The following CDH8 variants were observed in gnomAD, a reference collection of about 807,000 sequenced individuals.
CDH8 encodes cadherin-8.
In CDH8, 17 loss-of-function variants were observed where a neutral mutation model predicts 68.1. The ratio of observed to expected loss-of-function variants is 0.25; its 90% CI spans 0.17 to 0.37. The LOEUF (loss-of-function observed/expected upper bound fraction) is 0.37, where lower values mean the gene tolerates loss of function less well. Among genes scored for constraint, CDH8 ranks in the 10% least tolerant of loss-of-function variants. The pLI is 1.00. For missense variants in CDH8, 763 were observed against 999.3 expected (o/e 0.76, Z 3.19); for synonymous variants, 372 against 365.1 (o/e 1.02, Z -0.21).
intron 4 of CDH8, among the ~76,000 whole-genome samples, chr16:61,839,258 C>T (rs1408591227): frequency 1.3e-5 from 2 of 152,022 alleles, no homozygotes; most frequent in African/African-American, 2.4e-5. Context: ...GTGATGGCCC[C>T]GAAGGGTTCC....
At chr16:61,832,438 G>A (rs1017556826) in intron 4 of CDH8, among the ~76,000 whole-genome samples, 1 of 151,574 alleles carries the variant, frequency 6.6e-6, no homozygotes, top group African/African-American at 2.4e-5. Flanking sequence ...ATAGATAGAT[G>A]GGTCTGAATT....
chr16:61,789,150 C>A (rs1961317892), intron 8 of CDH8, among the ~76,000 whole-genome samples, 196 bp downstream of exon 8: 1 of 151,944 alleles, frequency 6.6e-6, no homozygotes, highest in South Asian at 2.1e-4. Flanking sequence ...CTCACATATC[C>A]TGAAACATTT....
chr16:61,675,600 A>T (rs993743709), intron 10 of CDH8, among the ~76,000 whole-genome samples: 7 of 98,460 alleles, frequency 7.1e-5, no homozygotes, highest in Admixed American at 2.8e-4. Context: ...AAAGTATAAT[A>T]AAAAAAAATA....
At chr16:61,817,870 CCA>C in intron 6 of CDH8, 138 bp from the exon 7 acceptor site, 1 of 661,344 alleles carries the variant, frequency 1.5e-6, no homozygotes, top group Non-Finnish European at 2.4e-6. Context: ...CTCCAGTCCC[CCA>C]GATTCAACCT....
chr16:61,684,001 C>G (rs1262539534), intron 10 of CDH8, among the ~76,000 whole-genome samples: 1 of 151,998 alleles, frequency 6.6e-6, no homozygotes, highest in African/African-American at 2.4e-5. Context: ...AGAACACAGA[C>G]ATTTTTGAGG....
chr16:61,862,310 G>C (rs1963165615), intron 3 of CDH8, among the ~76,000 whole-genome samples: 1 of 152,110 alleles, frequency 6.6e-6, no homozygotes, highest in Non-Finnish European at 1.5e-5. Flanking sequence ...TATACATTAA[G>C]CAGGAGGCTA....
chr16:61,688,944 C>T (rs2142825388), intron 10 of CDH8, among the ~76,000 whole-genome samples: 1 of 152,066 alleles, frequency 6.6e-6, no homozygotes, highest in Admixed American at 6.6e-5. Flanking sequence ...AAAGGATTAC[C>T]TTTACAGAGC....
chr16:61,740,109 T>C lies in CDH8; in HGVS notation c.1415-12894A>G, dbSNP rs574944822. On this transcript the variant is annotated intron_variant, in intron 8 of 11. Transcript: ENST00000577390. The stretch of plus-strand genomic sequence containing the variant: ...TTTTAGTAGAGATGGGGTTTCATCA[T>C]GTTGGCCAGGATGGTCTCGATCTCC... 3.8e-4 allele frequency among the ~76,000 whole-genome samples: 58 copies of C among 151,726 alleles called. 3 individuals are homozygous for C. The South Asian group carries it at 0.012, about 31-fold the overall frequency.
At chr16:61,740,479 C>T (rs998759964) in intron 8 of CDH8, among the ~76,000 whole-genome samples, 2 of 151,886 alleles carry the variant, frequency 1.3e-5, no homozygotes, top group Admixed American at 6.6e-5. Context: ...CCAGAATGAA[C>T]GCACCCATGT....
Position 61,836,531 on chromosome 16 carries a change from A to C in CDH8, c.668-11352T>G, listed in dbSNP as rs1331022508. On this transcript the variant is annotated intron_variant, in intron 4 of 11. Transcript: ENST00000577390. ...ACTACATTATTGTTGTAATTGCACA[A>C]CTCTGACTGCACAAAGCTGTAAAGA... is the stretch of plus-strand genomic sequence containing the variant. 2.0e-5 allele frequency among the ~76,000 whole-genome samples: 3 copies of C among 152,016 alleles called. No individual in the cohort carries two copies. In the East Asian group the frequency reaches 5.8e-4, roughly 29 times the overall value.
chr16:61,829,481 CA>C (rs1363848356), intron 4 of CDH8, among the ~76,000 whole-genome samples: 2 of 151,876 alleles, frequency 1.3e-5, no homozygotes, highest in Non-Finnish European at 2.9e-5. Flanking sequence ...CACTCCTACA[CA>C]GACATCTATA....
chr16:61,807,411 A>T (rs1208863520), intron 7 of CDH8, among the ~76,000 whole-genome samples: 1 of 151,926 alleles, frequency 6.6e-6, no homozygotes, highest in African/African-American at 2.4e-5. Flanking sequence ...AGCATGGCAC[A>T]TGTATACATA....
rs79009727 is a variant in CDH8, at chr16:62,019,059, A to T, written c.252+2093T>A. The stretch of plus-strand genomic sequence containing the variant: ...TATTTACATTATGCAAGACACAGTC[A>T]GAGTGATATACCTTCATAAAAAGAT... On this transcript the variant is annotated intron_variant, in intron 2 of 11. Transcript: ENST00000577390. Among the ~76,000 whole-genome samples the T allele has an allele frequency of 9.8e-3, 1,492 of 152,358 alleles. 24 individuals carry two copies. The highest frequency in any genetic ancestry group is 0.033 in the African/African-American group (1,392 of 41,576).
intron 10 of CDH8, among the ~76,000 whole-genome samples, chr16:61,658,179 T>C (rs976081997): frequency 4.6e-5 from 7 of 152,072 alleles, no homozygotes; most frequent in African/African-American, 1.7e-4. Context: ...TTGCCATTAT[T>C]TTACACATCA....
intron 3 of CDH8, among the ~76,000 whole-genome samples, chr16:61,865,571 G>C (rs560163765): frequency 1.3e-5 from 2 of 152,254 alleles, no homozygotes; most frequent in African/African-American, 4.8e-5. Flanking sequence ...TGCTAGCATG[G>C]TAGCCTACCC....
chr16:61,959,523 C>CCTCTCTCTCTCTCT (rs10624937), intron 2 of CDH8, among the ~76,000 whole-genome samples: 24 of 133,600 alleles, frequency 1.8e-4, no homozygotes, highest in South Asian at 5.4e-4. Flanking sequence ...CCTTATCCTC[C>CCTCTCTCTCTCTCT]CTCTCTCTCT....
chr16:61,910,185 T>C (rs755846899), intron 2 of CDH8, among the ~76,000 whole-genome samples: 16 of 152,136 alleles, frequency 1.1e-4, no homozygotes, highest in Non-Finnish European at 2.1e-4. Flanking sequence ...AATTCTGTAA[T>C]TATGCCAGAA....
chr16:61,727,505 T>C (rs1221135247), intron 8 of CDH8, among the ~76,000 whole-genome samples: 2 of 151,100 alleles, frequency 1.3e-5, no homozygotes, highest in Admixed American at 6.6e-5. Flanking sequence ...ATTTTATAGA[T>C]AAGGGATCAA....
Position 61,649,621 on chromosome 16 carries a change from A to G in CDH8, c.*3987T>C, listed in dbSNP as rs192234540. The G allele has an allele frequency of 6.6e-6, 1 of 151,864 alleles. No individual in the cohort carries two copies. Among genetic ancestry groups the G allele is most frequent in the Non-Finnish European group, 1.5e-5 (1 of 67,970 alleles). The allele number at this position is 151,864 out of a possible 1,614,324, so 9.4% of individuals were successfully genotyped here. ...AGTGATGGGATTTTTTTGAAATCTT[A>G]TTACTGGTTACACTGCCCTGATCTC... is the stretch of plus-strand genomic sequence containing the variant. On this transcript the variant is annotated 3_prime_UTR_variant, in exon 12 of 12. Transcript: ENST00000577390.
Sources: allele counts gnomAD v4.1 joint callset (sites outside exome capture counted in the v4.1 genomes callset), GRCh38; gene constraint gnomAD v4.1.1; transcripts MANE v1.5; gene names NCBI Gene and HGNC (gene_info 2026-07-23, HGNC 2026-07-21).